Variants in MAGI1 observed in about 807,000 individuals in gnomAD.
The protein encoded by MAGI1 is membrane-associated guanylate kinase, WW and PDZ domain-containing protein 1.
MAGI1 carries 58 observed loss-of-function variants against 139.9 expected under a neutral mutation model. That is an observed-to-expected ratio of 0.41 (90% CI 0.34 to 0.52). The LOEUF (loss-of-function observed/expected upper bound fraction) is 0.52. Among genes scored for constraint, MAGI1 ranks in the 20% least tolerant of loss-of-function variants. The probability of loss-of-function intolerance (pLI) is 0.12; values close to 1 mark genes in which losing one functional copy is unlikely to be tolerated. For missense variants in MAGI1, 1,874 were observed against 1,901.6 expected (o/e 0.99, Z 0.27); for synonymous variants, 812 against 737.9 (o/e 1.10, Z -1.63).
intron 2 of MAGI1, among the ~76,000 whole-genome samples, chr3:65,510,363 G>C (rs539186444): frequency 6.6e-6 from 1 of 151,836 alleles, no homozygotes; most frequent in African/African-American, 2.4e-5. Context: ...TCTGAGCTAC[G>C]GGGGGACATT....
intron 3 of MAGI1, among the ~76,000 whole-genome samples, chr3:65,484,247 C>T (rs530598384): frequency 3.3e-5 from 5 of 152,212 alleles, no homozygotes; most frequent in African/African-American, 1.2e-4. Context: ...AGATGACAAA[C>T]ATAAAGGCCC....
intron 1 of MAGI1, among the ~76,000 whole-genome samples, chr3:65,846,809 T>G (rs1246502131): frequency 1.3e-5 from 2 of 152,024 alleles, no homozygotes; most frequent in Non-Finnish European, 2.9e-5. Context: ...TCTTAGCCAT[T>G]ATACCACATT....
intron 1 of MAGI1, among the ~76,000 whole-genome samples, chr3:65,999,041 A>T (rs1043240093): frequency 6.6e-6 from 1 of 152,192 alleles, no homozygotes; most frequent in Admixed American, 6.5e-5. Context: ...ACTCAAGGTA[A>T]GGGCTATAAA....
chr3:65,742,749 C>T (rs2035382154), intron 1 of MAGI1, among the ~76,000 whole-genome samples: 1 of 152,188 alleles, frequency 6.6e-6, no homozygotes, highest in South Asian at 2.1e-4. Context: ...TATCTGATTT[C>T]CACAGGATTC....
chr3:65,619,100 T>G (rs909119132), intron 2 of MAGI1, among the ~76,000 whole-genome samples: 16 of 152,182 alleles, frequency 1.1e-4, no homozygotes, highest in African/African-American at 3.6e-4. Context: ...GATGAACACT[T>G]TAAACAGGTA....
chr3:65,994,738 G>C (rs1258854561), intron 1 of MAGI1, among the ~76,000 whole-genome samples: 3 of 152,180 alleles, frequency 2.0e-5, no homozygotes, highest in African/African-American at 7.2e-5. Flanking sequence ...TGGAATCACA[G>C]TATCATCACT....
At chr3:65,799,655 C>T (rs894963459) in intron 1 of MAGI1, among the ~76,000 whole-genome samples, 9 of 152,076 alleles carry the variant, frequency 5.9e-5, no homozygotes, top group Admixed American at 3.9e-4. Context: ...CACTGGGGGT[C>T]TTGGAAGATA....
At chr3:65,619,755 C>T in intron 2 of MAGI1, 1 of 596,506 alleles carries the variant, frequency 1.7e-6, no homozygotes, top group Non-Finnish European at 2.1e-6. Flanking sequence ...CCAGTCTACT[C>T]ATGTTCAAAG....
chr3:65,996,528 A>C (rs1311331474), intron 1 of MAGI1, among the ~76,000 whole-genome samples: 2 of 125,084 alleles, frequency 1.6e-5, no homozygotes, highest in African/African-American at 3.0e-5. Context: ...GATAACTATA[A>C]ATGAAAAACT....
At chr3:65,416,547 T>C (rs574829511) in intron 12 of MAGI1, among the ~76,000 whole-genome samples, 6 of 152,310 alleles carry the variant, frequency 3.9e-5, no homozygotes, top group African/African-American at 1.4e-4. Flanking sequence ...TTCACGGCAC[T>C]CCTCTATAAT....
In MAGI1 at chr3:65,470,419, T is replaced by C. The variant is rs1559583928; in HGVS notation, c.823A>G (p.Ile275Val). The C allele has an allele frequency of 6.2e-7, 1 of 1,613,748 alleles. No homozygotes were observed. The highest frequency in any genetic ancestry group is 1.3e-5 in the African/African-American group (1 of 74,964). The change falls in exon 5 of 23, where the codon ATC (isoleucine) becomes GTC (valine). Residue 275 changes from isoleucine to valine, a missense_variant. By Grantham distance (29) the Ile-to-Val change is conservative (BLOSUM62 3). Around this residue, in one of 5 missense-constraint regions of MAGI1, gnomAD observed 648 missense variants for 598.1 expected, o/e 1.08. Coordinates refer to ENST00000402939, the MANE Select transcript of MAGI1 (RefSeq NM_001033057.2). ...ETALPPVNSSIIAAPITDPSQ... is the reference protein window; with the variant it reads ...ETALPPVNSSVIAAPITDPSQ... ...GGGTCCGTGATGGGAGCAGCGATGA[T>C]GCTACTATTCACAGGTGGTAATGCT... is the stretch of plus-strand genomic sequence containing the variant.
intron 1 of MAGI1, among the ~76,000 whole-genome samples, chr3:65,718,026 T>C (rs906454609): frequency 5.9e-5 from 9 of 152,218 alleles, no homozygotes; most frequent in Non-Finnish European, 8.8e-5. Flanking sequence ...GGAAGGTTTT[T>C]ATGAACATTC....
chr3:65,920,000 C>A (rs2062096670), intron 1 of MAGI1, among the ~76,000 whole-genome samples: 2 of 152,188 alleles, frequency 1.3e-5, no homozygotes, highest in Non-Finnish European at 2.9e-5. Context: ...AACTTCAGGT[C>A]CGATGTTTAA....
chr3:65,741,381 A>G (rs2035252322), intron 1 of MAGI1, among the ~76,000 whole-genome samples: 1 of 152,040 alleles, frequency 6.6e-6, no homozygotes, highest in South Asian at 2.1e-4. Context: ...TCACCGTGTT[A>G]GCCAGGATGG....
chr3:65,444,033 A>G (rs1948513457), intron 7 of MAGI1, among the ~76,000 whole-genome samples: 2 of 152,202 alleles, frequency 1.3e-5, no homozygotes, highest in African/African-American at 2.4e-5. Flanking sequence ...TGTTTTGTTC[A>G]GATTTGGCTG....
At chr3:65,907,287 T>C (rs139705980) in intron 1 of MAGI1, among the ~76,000 whole-genome samples, 4 of 152,322 alleles carry the variant, frequency 2.6e-5, no homozygotes, top group African/African-American at 7.2e-5. Flanking sequence ...CCATGGATCC[T>C]TGAGATAACT....
chr3:65,873,140 G>T (rs2059995043), intron 1 of MAGI1: 1 of 152,182 alleles, frequency 6.6e-6, no homozygotes, highest in Non-Finnish European at 1.5e-5. Flanking sequence ...TGGGGCAGCG[G>T]CCAAGATGGC....
At position 65,567,419 on chromosome 3, in the gene MAGI1, T is replaced by C. The variant is rs529895003; in HGVS notation, c.430+54553A>G. On this transcript the variant is annotated intron_variant, in intron 2 of 22. Transcript: ENST00000402939. ...AGGCTGATGGATAAAGACCAGAAAATAGCTCTAACAGAAGGACAACTACTA... is the reference window on the plus strand; with the variant it reads ...AGGCTGATGGATAAAGACCAGAAAACAGCTCTAACAGAAGGACAACTACTA... Among the ~76,000 whole-genome samples the C allele has an allele frequency of 9.3e-5, 14 of 150,550 alleles. No individual in the cohort carries two copies. In the Middle Eastern group the frequency reaches 0.014, roughly 148 times the overall value.
At chr3:65,383,798 T>G (rs1943242591) in intron 14 of MAGI1, among the ~76,000 whole-genome samples, 175 bp from the exon 15 acceptor site, 2 of 152,200 alleles carry the variant, frequency 1.3e-5, no homozygotes. Flanking sequence ...GACACGGGGA[T>G]AAACAGTGGG....
Sources: gnomAD v4.1 joint callset for allele counts (sites outside exome capture counted in the v4.1 genomes callset) on GRCh38, gnomAD v4.1.1 for gene constraint, gnomAD v4.1.1 regional missense constraint, MANE v1.5 for transcripts, NCBI Gene and HGNC (gene_info 2026-07-23, HGNC 2026-07-21) for gene names.